The following PMP22 variants were observed in gnomAD, a reference collection of about 807,000 sequenced individuals.
The protein encoded by PMP22 is peripheral myelin protein 22.
PMP22 carries 2 observed loss-of-function variants against 18.9 expected under a neutral mutation model. The observed-to-expected ratio is 0.11, with a 90% CI of 0.04 to 0.33. The LOEUF (loss-of-function observed/expected upper bound fraction) is 0.33. Ranked by LOEUF, PMP22 falls within the 10% of genes least tolerant of loss-of-function variation. PMP22 has a pLI of 1.00. For synonymous variants in PMP22, 95 were observed against 89.2 expected (o/e 1.07, Z -0.37); for missense variants, 169 against 202.2 (o/e 0.84, Z 1.00).
At chr17:15,231,423 C>G (rs980940274) in intron 4 of PMP22, among the ~76,000 whole-genome samples, 12 of 152,204 alleles carry the variant, frequency 7.9e-5, no homozygotes, top group African/African-American at 2.9e-4. Context: ...CTGTCTCTTT[C>G]CAAGGGTGGT....
At chr17:15,245,424 G>A (rs1435924206) in intron 3 of PMP22, among the ~76,000 whole-genome samples, 2 of 152,190 alleles carry the variant, frequency 1.3e-5, no homozygotes, top group African/African-American at 4.8e-5. Flanking sequence ...GGACAGCCCA[G>A]GCAGGGCTGG....
chr17:15,249,333 C>T (rs968795495), intron 3 of PMP22, among the ~76,000 whole-genome samples: 2 of 152,156 alleles, frequency 1.3e-5, no homozygotes, highest in Non-Finnish European at 2.9e-5. Flanking sequence ...GCCTGCTCTG[C>T]TTTTAGGAAA....
At chr17:15,232,882 T>C (rs146325725) in intron 4 of PMP22, among the ~76,000 whole-genome samples, 1 of 152,318 alleles carries the variant, frequency 6.6e-6, no homozygotes, top group East Asian at 1.9e-4. Context: ...TTAATGTGTA[T>C]GACTTTCATC....
intron 3 of PMP22, among the ~76,000 whole-genome samples, chr17:15,242,552 T>C (rs917845058): frequency 6.6e-6 from 1 of 152,114 alleles, no homozygotes; most frequent in African/African-American, 2.4e-5. Context: ...TATAATAACA[T>C]GGCCTGAAAA....
intron 3 of PMP22, among the ~76,000 whole-genome samples, chr17:15,255,686 A>G (rs1355095627): frequency 6.6e-6 from 1 of 152,134 alleles, no homozygotes; most frequent in East Asian, 1.9e-4. Flanking sequence ...AGTCTACCCC[A>G]TCCCCTGCCT....
rs104894620 is a variant in PMP22, at chr17:15,239,584, A to G, written c.206T>C (p.Met69Thr). 5.0e-6 allele frequency: 8 copies of G among 1,613,918 alleles called. No individual in the cohort carries two copies. The highest frequency in any genetic ancestry group is 6.8e-6 in the Non-Finnish European group (8 of 1,179,886). The change falls in exon 4 of 5, where the codon ATG becomes ACG. Residue 69 changes from methionine (M) to threonine (T), a missense_variant. Transcript: ENST00000312280. Reference sequence around the variant, plus strand: ...AATGCTGAAGATGATCGACAGGATCATGGTGGCCTGGACAGACTGCAGCCA... The same window carrying G: ...AATGCTGAAGATGATCGACAGGATCGTGGTGGCCTGGACAGACTGCAGCCA... ...NEWLQSVQAT[M>T]ILSIIFSILS...
chr17:15,260,203 AC>A (rs1403742783), intron 2 of PMP22: 2 of 258,696 alleles, frequency 7.7e-6, no homozygotes, highest in African/African-American at 2.2e-5. Context: ...GGACCTGTGA[AC>A]TCTTTTCCAG....
intron 1 of PMP22, 73 bp downstream of exon 1, chr17:15,265,081 G>A (rs1312947620): frequency 6.6e-6 from 1 of 152,134 alleles, no homozygotes; most frequent in East Asian, 1.9e-4. Context: ...CTTGCAGGGG[G>A]TGGGAAATTA....
At chr17:15,240,371 T>C (rs1359971806) in intron 3 of PMP22, among the ~76,000 whole-genome samples, 2 of 151,712 alleles carry the variant, frequency 1.3e-5, no homozygotes, top group Non-Finnish European at 2.9e-5. Context: ...ATGCTCTCTA[T>C]AGGTATGGAA....
intron 3 of PMP22, among the ~76,000 whole-genome samples, chr17:15,246,998 A>G (rs953191323): frequency 1.4e-5 from 2 of 144,048 alleles, no homozygotes; most frequent in Non-Finnish European, 3.0e-5. Context: ...TGAACCCGGA[A>G]GGCGGAGACT....
At chr17:15,244,142 G>T (rs77188276) in intron 3 of PMP22, among the ~76,000 whole-genome samples, 3,092 of 152,132 alleles carry the variant, frequency 0.02, 131 homozygotes, top group African/African-American at 0.07. Context: ...GGAGAAATAT[G>T]AACAGCCAAT....
chr17:15,235,049 G>T (rs1024517281), intron 4 of PMP22, among the ~76,000 whole-genome samples: 1 of 152,058 alleles, frequency 6.6e-6, no homozygotes, highest in African/African-American at 2.4e-5. Flanking sequence ...TGAACTCCTG[G>T]CTTTAAGCAA....
chr17:15,247,651 A>G (rs1907957616), intron 3 of PMP22, among the ~76,000 whole-genome samples: 2 of 152,212 alleles, frequency 1.3e-5, no homozygotes, highest in South Asian at 4.1e-4. Flanking sequence ...AAGGGCTCAG[A>G]AAGTATGAAG....
chr17:15,238,228 T>C (rs955774180), intron 4 of PMP22, among the ~76,000 whole-genome samples: 7 of 152,142 alleles, frequency 4.6e-5, no homozygotes, highest in African/African-American at 1.7e-4. Flanking sequence ...TATTGAAATG[T>C]TGTATTTGAG....
intron 3 of PMP22, among the ~76,000 whole-genome samples, chr17:15,245,289 C>T (rs544988147): frequency 6.6e-6 from 1 of 152,152 alleles, no homozygotes; most frequent in Non-Finnish European, 1.5e-5. Context: ...TAACAACCAG[C>T]GCAGTAAGAG....
In PMP22 at chr17:15,260,801, G is replaced by T. The variant is rs908426963; in HGVS notation, c.-34-40C>A. The T allele has an allele frequency of 1.8e-5, 24 of 1,331,284 alleles. No homozygotes were observed. The African/African-American group carries it at 3.1e-4, about 17-fold the overall frequency. 82.5% of individuals were successfully genotyped at this position (1,331,284 alleles called of 1,614,324 possible). A position where few individuals can be genotyped will look rare whatever the true frequency, so the allele number is the denominator to read the frequency against. On this transcript the variant is annotated intron_variant, in intron 1 of 4. Coordinates refer to ENST00000312280, the MANE Select transcript of PMP22 (RefSeq NM_000304.4). Reference sequence around the variant, plus strand: ...CTGGGCGTGAGGCCGAACGCACTGGGCCGAGCGACGGAGGCGCGCGCAGAG... The same window carrying T: ...CTGGGCGTGAGGCCGAACGCACTGGTCCGAGCGACGGAGGCGCGCGCAGAG...
chr17:15,247,682 T>C (rs1907959894), intron 3 of PMP22, among the ~76,000 whole-genome samples: 1 of 152,206 alleles, frequency 6.6e-6, no homozygotes, highest in African/African-American at 2.4e-5. Flanking sequence ...TGTAACAGTT[T>C]ATGTGCATCT....
chr17:15,247,245 T>C (rs574600257), intron 3 of PMP22, among the ~76,000 whole-genome samples: 1 of 152,110 alleles, frequency 6.6e-6, no homozygotes, highest in East Asian at 1.9e-4. Context: ...GGCGGGCACC[T>C]GTAGTCCCAA....
Position 15,239,610 on chromosome 17 carries a change from T to C in PMP22, c.180A>G (p.Glu60=), listed in dbSNP as rs1223037928. 1.7e-5 allele frequency: 27 copies of C among 1,613,856 alleles called. No homozygotes were observed. Among genetic ancestry groups the C allele is most frequent in the Non-Finnish European group, 2.2e-5 (26 of 1,179,862 alleles). The part of the protein sequence containing the change: ...VHHCFSSSPN[E]WLQSVQATMI... ...TGGTGGCCTGGACAGACTGCAGCCA[T>C]TCTGGGGGAAAGAGACACTTGGTTA... The change falls in exon 4 of 5, where the codon GAA becomes GAG. Residue 60 remains glutamate, a splice_region_variant and synonymous_variant. Coordinates refer to ENST00000312280, the MANE Select transcript of PMP22 (RefSeq NM_000304.4).
Sources: allele counts gnomAD v4.1 joint callset (sites outside exome capture counted in the v4.1 genomes callset), GRCh38; gene constraint gnomAD v4.1.1; transcripts MANE v1.5; gene names NCBI Gene and HGNC (gene_info 2026-07-23, HGNC 2026-07-21).